The following PXDNL variants were observed in gnomAD, a reference collection of about 807,000 sequenced individuals.
PXDNL encodes the protein probable oxidoreductase PXDNL.
A neutral mutation model predicts 150.8 loss-of-function variants in PXDNL; 145 were observed. The ratio of observed to expected loss-of-function variants is 0.96; its 90% CI spans 0.84 to 1.10. The LOEUF is 1.10. Among genes scored for constraint, PXDNL ranks in the 50% least tolerant of loss-of-function variants. The pLI, the probability that PXDNL is intolerant of heterozygous loss-of-function variation, is 0.00. For synonymous variants in PXDNL, 757 were observed against 725.7 expected, an observed-to-expected ratio of 1.04 and a Z score of -0.69; for missense variants, 2,087 against 1,873.9, an observed-to-expected ratio of 1.11 and a Z score of -2.10.
At chr8:51,372,105 C>T (rs1194926218) in intron 18 of PXDNL, 24 bp from the exon 19 acceptor site, 1 of 1,079,012 alleles carries the variant, frequency 9.3e-7, no homozygotes, top group Non-Finnish European at 1.4e-6. Context: ...AAAAAAAAAA[C>T]ATTGTCGTGG....
chr8:51,651,991 C>T (rs1815050495), intron 2 of PXDNL, among the ~76,000 whole-genome samples: 1 of 152,160 alleles, frequency 6.6e-6, no homozygotes, highest in African/African-American at 2.4e-5. Context: ...TCTTAGCAAG[C>T]TCTGTTTAAT....
intron 14 of PXDNL, among the ~76,000 whole-genome samples, chr8:51,422,721 A>G (rs986805671): frequency 1.3e-5 from 2 of 152,246 alleles, no homozygotes; most frequent in African/African-American, 4.8e-5. Flanking sequence ...ATTTATTTCA[A>G]CTGTGGATTG....
At chr8:51,764,630 G>T (rs1272264826) in intron 1 of PXDNL, among the ~76,000 whole-genome samples, 2 of 151,532 alleles carry the variant, frequency 1.3e-5, no homozygotes, top group African/African-American at 4.9e-5. Context: ...TTCTATTATT[G>T]ATTTCAAATT....
At chr8:51,627,369 C>A (rs1175368996) in intron 2 of PXDNL, among the ~76,000 whole-genome samples, 2 of 152,030 alleles carry the variant, frequency 1.3e-5, no homozygotes, top group Non-Finnish European at 2.9e-5. Context: ...TATGATCATC[C>A]AATTTACTGA....
At chr8:51,385,879 T>C (rs1241071459) in intron 17 of PXDNL, among the ~76,000 whole-genome samples, 1 of 152,182 alleles carries the variant, frequency 6.6e-6, no homozygotes, top group Non-Finnish European at 1.5e-5. Flanking sequence ...GCCTTTCACC[T>C]TCCACCATGA....
intron 1 of PXDNL, among the ~76,000 whole-genome samples, chr8:51,725,312 G>A (rs1388538456): frequency 6.6e-6 from 1 of 152,146 alleles, no homozygotes; most frequent in Non-Finnish European, 1.5e-5. Flanking sequence ...GCATGTCGGT[G>A]TTTTTGTCTT....
intron 2 of PXDNL, among the ~76,000 whole-genome samples, chr8:51,624,686 A>G (rs900173882): frequency 1.3e-5 from 2 of 148,454 alleles, no homozygotes; most frequent in African/African-American, 4.9e-5. Context: ...TTATATATAT[A>G]ATATATATGT....
At chr8:51,432,875 T>C (rs1398296055) in intron 12 of PXDNL, among the ~76,000 whole-genome samples, 1 of 152,206 alleles carries the variant, frequency 6.6e-6, no homozygotes, top group Non-Finnish European at 1.5e-5. Flanking sequence ...GACCTTCCAT[T>C]ACAACATTGA....
chr8:51,441,089 G>A (rs1041448311), intron 12 of PXDNL, among the ~76,000 whole-genome samples: 3 of 152,154 alleles, frequency 2.0e-5, no homozygotes, highest in Admixed American at 6.5e-5. Flanking sequence ...GAATCATGGG[G>A]GTGGTTTCTG....
intron 19 of PXDNL, among the ~76,000 whole-genome samples, chr8:51,346,366 C>T (rs1215554380): frequency 6.6e-6 from 1 of 152,154 alleles, no homozygotes; most frequent in Non-Finnish European, 1.5e-5. Context: ...ACACCTGATA[C>T]CCACTAGGGA....
intron 1 of PXDNL, among the ~76,000 whole-genome samples, chr8:51,688,649 A>G (rs1313846143): frequency 6.6e-6 from 1 of 152,032 alleles, no homozygotes; most frequent in African/African-American, 2.4e-5. Flanking sequence ...CTAACCTCTA[A>G]TGCTTGCAGT....
chr8:51,650,726 G>A (rs1815016827), intron 2 of PXDNL, among the ~76,000 whole-genome samples: 1 of 152,204 alleles, frequency 6.6e-6, no homozygotes, highest in Non-Finnish European at 1.5e-5. Flanking sequence ...TTAGCCACTA[G>A]TGATAAGGTT....
intron 2 of PXDNL, among the ~76,000 whole-genome samples, chr8:51,603,835 A>C (rs975952934): frequency 1.3e-5 from 2 of 152,124 alleles, no homozygotes; most frequent in African/African-American, 4.8e-5. Context: ...AAAAAATTGT[A>C]AAGAAAATAT....
intron 14 of PXDNL, among the ~76,000 whole-genome samples, chr8:51,419,056 G>T (rs1219898904): frequency 6.6e-6 from 1 of 151,942 alleles, no homozygotes; most frequent in African/African-American, 2.4e-5. Flanking sequence ...GAGGAGACAA[G>T]GTCCTCGGGG....
At chr8:51,531,480 T>C (rs7838528) in intron 4 of PXDNL, among the ~76,000 whole-genome samples, 4,650 of 152,226 alleles carry the variant, frequency 0.031, 226 homozygotes, top group African/African-American at 0.11. Flanking sequence ...GAGAATGGCA[T>C]GGTGCAGAGA....
At chr8:51,393,852 C>T (rs1304436701) in intron 17 of PXDNL, among the ~76,000 whole-genome samples, 1 of 152,234 alleles carries the variant, frequency 6.6e-6, no homozygotes, top group Non-Finnish European at 1.5e-5. Flanking sequence ...CCTGAAAGGG[C>T]ACAGCCCTGA....
intron 1 of PXDNL, among the ~76,000 whole-genome samples, chr8:51,717,844 G>A (rs114051224): frequency 0.01 from 1,597 of 152,316 alleles, 24 homozygotes; most frequent in African/African-American, 0.032. Context: ...AAAAGGGAAC[G>A]AGAATGGATG....
intron 11 of PXDNL, 91 bp from the exon 12 acceptor site, chr8:51,447,253 C>T: frequency 4.3e-6 from 6 of 1,384,760 alleles, no homozygotes; most frequent in Non-Finnish European, 5.9e-6. Flanking sequence ...TGAGGCCTGT[C>T]TTTCAGGAAA....
intron 21 of PXDNL, among the ~76,000 whole-genome samples, chr8:51,323,848 A>G (rs148390274): frequency 0.33 from 50,485 of 151,158 alleles, 10,041 homozygotes; most frequent in African/African-American, 0.56. Context: ...CCCAAGAGGT[A>G]GAAGTTGCAG....
Sources: allele counts gnomAD v4.1 joint callset (sites outside exome capture counted in the v4.1 genomes callset), GRCh38; gene constraint gnomAD v4.1.1; transcripts MANE v1.5; gene names NCBI Gene and HGNC (gene_info 2026-07-23, HGNC 2026-07-21).